Variants in HMCN1 observed in about 807,000 individuals in gnomAD.
The protein encoded by HMCN1 is hemicentin-1.
In HMCN1, 321 loss-of-function variants were observed where a neutral mutation model predicts 625.9. The ratio of observed to expected loss-of-function variants is 0.51; its 90% CI spans 0.47 to 0.56. HMCN1 has a LOEUF of 0.56. Among genes scored for constraint, HMCN1 ranks in the 20% least tolerant of loss-of-function variants. The pLI is 0.00. For synonymous variants in HMCN1, 2,425 were observed against 2,417.6 expected (o/e 1.00, Z -0.09); for missense variants, 6,588 against 6,887.3 (o/e 0.96, Z 1.54).
chr1:185,814,754 C>T (rs563125712), intron 1 of HMCN1, among the ~76,000 whole-genome samples: 8 of 148,674 alleles, frequency 5.4e-5, no homozygotes, highest in African/African-American at 1.6e-4. Context: ...TGCAGTGGCT[C>T]GATCTCAGCT....
At chr1:185,814,525 A>T (rs1015010486) in intron 1 of HMCN1, among the ~76,000 whole-genome samples, 2 of 152,124 alleles carry the variant, frequency 1.3e-5, no homozygotes, top group African/African-American at 4.8e-5. Flanking sequence ...AACTTAACCT[A>T]GTCAGTAGAA....
intron 1 of HMCN1, among the ~76,000 whole-genome samples, chr1:185,800,408 A>G (rs989160149): frequency 6.6e-6 from 1 of 152,000 alleles, no homozygotes; most frequent in Non-Finnish European, 1.5e-5. Context: ...AAACCCCTTC[A>G]TCATGATCAC....
chr1:186,135,434 A>G (rs991096913), intron 86 of HMCN1, among the ~76,000 whole-genome samples: 15 of 152,180 alleles, frequency 9.9e-5, no homozygotes, highest in Non-Finnish European at 2.1e-4. Flanking sequence ...TCTCTTCTGA[A>G]GCAATCTTAT....
In HMCN1 at chr1:185,994,963, T is replaced by A; in HGVS notation, c.3654T>A (p.His1218Gln). ...CTATGCTGGTTGATGGAGAGCACCA[T>A]GTTAGCAATCCAGACGGAACTTTAA... Reference protein sequence around the residue: ...GSTMLVDGEHHVSNPDGTLSI... With the variant: ...GSTMLVDGEHQVSNPDGTLSI... Residue 1218 changes from histidine (H) to glutamine (Q), a missense_variant, in exon 24 of 107, where the codon CAT (histidine) becomes CAA (glutamine). By Grantham distance (24) the His-to-Gln change is conservative. Coordinates refer to ENST00000271588, the MANE Select transcript of HMCN1 (RefSeq NM_031935.3). The A allele has an allele frequency of 6.2e-7, 1 of 1,613,926 alleles. No homozygotes were observed. Among genetic ancestry groups the A allele is most frequent in the African/African-American group, 1.3e-5 (1 of 75,024 alleles).
At chr1:186,088,852 C>A in intron 63 of HMCN1, 97 bp downstream of exon 63, 4 of 1,183,750 alleles carry the variant, frequency 3.4e-6, no homozygotes, top group Non-Finnish European at 4.8e-6. Context: ...GTAATTGATT[C>A]AACATATCTT....
At chr1:186,070,994 A>T (rs1658446061) in intron 52 of HMCN1, among the ~76,000 whole-genome samples, 2 of 152,136 alleles carry the variant, frequency 1.3e-5, no homozygotes, top group South Asian at 4.1e-4. Context: ...TTGTAATTGT[A>T]TTTGTATATT....
chr1:185,954,066 C>G (rs1291204473), intron 11 of HMCN1, among the ~76,000 whole-genome samples: 2 of 151,576 alleles, frequency 1.3e-5, no homozygotes, highest in Admixed American at 1.3e-4. Context: ...CGGCCATTTA[C>G]ACTTCTTTTG....
intron 36 of HMCN1, among the ~76,000 whole-genome samples, chr1:186,036,812 A>G (rs4650692): frequency 0.65 from 99,024 of 151,598 alleles, 34,166 homozygotes; most frequent in African/African-American, 0.9. Flanking sequence ...GGCTGGTCTC[A>G]AACTCCTGAC....
Position 186,039,640 on chromosome 1 carries a change from A to G in HMCN1, c.6029-88A>G, listed in dbSNP as rs1558166579. ...AAGCAAACCCTCCAATAAGAACATAATATTGTAGACATTAGATGTAGTTTT... is the reference window on the plus strand; with the variant it reads ...AAGCAAACCCTCCAATAAGAACATAGTATTGTAGACATTAGATGTAGTTTT... On this transcript the variant is annotated intron_variant, in intron 38 of 106. Transcript: ENST00000271588. 5 of 1,370,800 alleles carry G rather than the reference A, an allele frequency of 3.6e-6. No homozygotes were observed. The East Asian group carries it at 1.1e-4, about 31-fold the overall frequency. 84.9% of individuals were successfully genotyped at this position (1,370,800 alleles called of 1,614,324 possible).
At chr1:186,148,881 G>A (rs1650493962) in intron 93 of HMCN1, among the ~76,000 whole-genome samples, 1 of 151,894 alleles carries the variant, frequency 6.6e-6, no homozygotes, top group African/African-American at 2.4e-5. Flanking sequence ...ATCTCCATTA[G>A]ACCTCTGCAG....
At chr1:185,909,719 G>C (rs547194042) in intron 5 of HMCN1, among the ~76,000 whole-genome samples, 2 of 152,012 alleles carry the variant, frequency 1.3e-5, no homozygotes, top group African/African-American at 4.8e-5. Context: ...AAAACTTCTC[G>C]TATTTAAAGA....
rs56156323 is a variant in HMCN1 at position 185,788,641 on chromosome 1, A to G, written c.268+53594A>G. The stretch of plus-strand genomic sequence containing the variant: ...TCATGAGCTGAAGTTAAGTGTCTCA[A>G]GGGATAATGGAATATCACTGAAACA... On this transcript the variant is annotated intron_variant, in intron 1 of 106. Transcript: ENST00000271588. Among the ~76,000 whole-genome samples the G allele has an allele frequency of 9.1e-3, 1,392 of 152,294 alleles. 21 individuals carry two copies. Among genetic ancestry groups the G allele is most frequent in the African/African-American group, 0.03 (1,251 of 41,560 alleles).
At chr1:186,038,172 G>A (rs1176218725) in intron 37 of HMCN1, 137 bp downstream of exon 37, 1 of 667,838 alleles carries the variant, frequency 1.5e-6, no homozygotes, top group East Asian at 2.7e-5. Flanking sequence ...ACATTGATAA[G>A]AATATTATTA....
intron 12 of HMCN1, among the ~76,000 whole-genome samples, 183 bp from the exon 13 acceptor site, chr1:185,963,585 C>A (rs367933679): frequency 1.3e-4 from 20 of 152,020 alleles, no homozygotes; most frequent in African/African-American, 4.8e-4. Context: ...ATATTGGATA[C>A]ATGATATTAT....
At chr1:186,038,333 C>T (rs1243370723) in intron 37 of HMCN1, among the ~76,000 whole-genome samples, 2 of 151,912 alleles carry the variant, frequency 1.3e-5, no homozygotes, top group Non-Finnish European at 2.9e-5. Context: ...TATGCTGAAA[C>T]TTTTTTTTAA....
chr1:186,011,781 G>T (rs775929105), intron 30 of HMCN1, among the ~76,000 whole-genome samples: 1 of 152,124 alleles, frequency 6.6e-6, no homozygotes, highest in Non-Finnish European at 1.5e-5. Flanking sequence ...GACTACCATG[G>T]TATATAGTTT....
intron 92 of HMCN1, 35 bp from the exon 93 acceptor site, chr1:186,145,718 T>TC (rs775689435): frequency 0.013 from 21,123 of 1,614,030 alleles, 178 homozygotes; most frequent in Middle Eastern, 0.024. Context: ...TTGAAGCCAA[T>TC]TTCTTAACAG....
At chr1:185,944,035 G>T (rs1057346751) in intron 11 of HMCN1, among the ~76,000 whole-genome samples, 4 of 152,124 alleles carry the variant, frequency 2.6e-5, no homozygotes, top group African/African-American at 9.7e-5. Context: ...ACTTTTCCTA[G>T]GTTACAAAGC....
intron 1 of HMCN1, among the ~76,000 whole-genome samples, chr1:185,790,866 CTTAT>C (rs539101015): frequency 1.3e-5 from 2 of 152,052 alleles, no homozygotes; most frequent in African/African-American, 4.8e-5. Flanking sequence ...TAAGCCTTAG[CTTAT>C]TTATTTATTT....
Sources: gnomAD v4.1 joint callset for allele counts (sites outside exome capture counted in the v4.1 genomes callset) on GRCh38, gnomAD v4.1.1 for gene constraint, MANE v1.5 for transcripts, NCBI Gene and HGNC (gene_info 2026-07-23, HGNC 2026-07-21) for gene names.